TCF12: variants seen among roughly 807,000 people sequenced by gnomAD.
TCF12 encodes the protein DNA-binding protein HTF4.
TCF12 carries 45 observed loss-of-function variants against 86.0 expected under a neutral mutation model. The ratio of observed to expected loss-of-function variants is 0.52; its 90% confidence interval spans 0.41 to 0.67. The LOEUF is 0.67. TCF12 is among the 30% of genes least tolerant of loss of function. The pLI is 0.00. For synonymous variants in TCF12, 330 were observed against 299.6 expected (o/e 1.10, Z -1.05); for missense variants, 881 against 859.9 (o/e 1.02, Z -0.31).
At chr15:57,148,864 A>T (rs1274589899) in intron 5 of TCF12, among the ~76,000 whole-genome samples, 3 of 152,192 alleles carry the variant, frequency 2.0e-5, no homozygotes, top group Non-Finnish European at 4.4e-5. Flanking sequence ...TAACAGAATG[A>T]GACCTCATCT....
intron 5 of TCF12, among the ~76,000 whole-genome samples, chr15:57,137,279 G>T (rs1451273797): frequency 6.6e-6 from 1 of 152,068 alleles, no homozygotes; most frequent in Non-Finnish European, 1.5e-5. Context: ...ACCACGCCCG[G>T]CCCTGGCAGT....
intron 3 of TCF12, among the ~76,000 whole-genome samples, chr15:56,976,224 C>CTTT (rs35959497): frequency 6.3e-4 from 36 of 57,372 alleles, no homozygotes; most frequent in Admixed American, 7.9e-4. Flanking sequence ...AAGGAAGTTT[C>CTTT]TTTTTTTTTT....
At chr15:57,175,925 C>T (rs2615249) in intron 6 of TCF12, among the ~76,000 whole-genome samples, 148,258 of 152,318 alleles carry the variant, frequency 0.97, 72,293 homozygotes, top group East Asian at 1. Flanking sequence ...TGGCGTAGAA[C>T]ATTAAACCTT....
chr15:57,181,006 G>A (rs538428017), intron 6 of TCF12, among the ~76,000 whole-genome samples: 2 of 151,506 alleles, frequency 1.3e-5, no homozygotes, highest in South Asian at 2.1e-4. Context: ...AGTGGAGACA[G>A]GGTTTCACTG....
intron 4 of TCF12, among the ~76,000 whole-genome samples, chr15:57,075,842 T>C (rs1444400812): frequency 1.4e-5 from 1 of 73,764 alleles, no homozygotes; most frequent in Non-Finnish European, 2.9e-5. Flanking sequence ...CTCTTTTCTT[T>C]CTTTCTTTCT....
chr15:57,042,602 C>G (rs531246490), intron 3 of TCF12, among the ~76,000 whole-genome samples: 492 of 152,032 alleles, frequency 3.2e-3, no homozygotes, highest in Non-Finnish European at 6.0e-3. Flanking sequence ...TTTGTGGAGA[C>G]GGGATCGCAC....
intron 8 of TCF12, among the ~76,000 whole-genome samples, chr15:57,208,775 A>G (rs1178626735): frequency 1.3e-5 from 2 of 151,506 alleles, no homozygotes; most frequent in African/African-American, 4.9e-5. Context: ...TGGTGCCATC[A>G]TAGCTCGCTG....
chr15:56,951,138 C>T (rs764298718), intron 3 of TCF12, among the ~76,000 whole-genome samples: 2 of 152,030 alleles, frequency 1.3e-5, no homozygotes, highest in East Asian at 1.9e-4. Flanking sequence ...ACTGCCAAAG[C>T]GGTTGTATCA....
At chr15:57,021,573 T>TTA (rs1375707922) in intron 3 of TCF12, among the ~76,000 whole-genome samples, 47 of 152,192 alleles carry the variant, frequency 3.1e-4, no homozygotes, top group African/African-American at 1.0e-3. Context: ...GAAAACAGGC[T>TTA]TATATAGGGC....
intron 5 of TCF12, among the ~76,000 whole-genome samples, chr15:57,138,577 A>T (rs776738385): frequency 7.2e-5 from 11 of 152,224 alleles, no homozygotes; most frequent in Non-Finnish European, 1.3e-4. Context: ...TTAGAGGGGT[A>T]ATTCATATAT....
intron 5 of TCF12, among the ~76,000 whole-genome samples, chr15:57,127,185 G>C (rs1466588892): frequency 2.0e-5 from 3 of 151,888 alleles, no homozygotes; most frequent in Non-Finnish European, 4.4e-5. Context: ...GTTTCACCAC[G>C]TTGGCCAGGC....
intron 3 of TCF12, among the ~76,000 whole-genome samples, chr15:57,046,648 G>A (rs1389437638): frequency 6.6e-6 from 1 of 151,984 alleles, no homozygotes; most frequent in Non-Finnish European, 1.5e-5. Context: ...GCAGAGATGG[G>A]TTTCACCATG....
chr15:57,244,889 G>A (rs2059790318), intron 13 of TCF12, among the ~76,000 whole-genome samples: 1 of 151,730 alleles, frequency 6.6e-6, no homozygotes, highest in Non-Finnish European at 1.5e-5. Context: ...TATTTCTTAG[G>A]AATAAATATA....
intron 8 of TCF12, among the ~76,000 whole-genome samples, chr15:57,200,737 C>G (rs1339083899): frequency 1.3e-5 from 2 of 152,128 alleles, no homozygotes; most frequent in African/African-American, 4.8e-5. Context: ...TTTTTGTAAA[C>G]TGTTTTATAT....
At chr15:57,192,941 A>T (rs1219750975) in intron 7 of TCF12, among the ~76,000 whole-genome samples, 1 of 152,224 alleles carries the variant, frequency 6.6e-6, no homozygotes, top group East Asian at 1.9e-4. Context: ...TGGTCCTCAC[A>T]TGAGCAACTA....
chr15:56,951,694 G>A (rs1182315429), intron 3 of TCF12, among the ~76,000 whole-genome samples: 2 of 152,152 alleles, frequency 1.3e-5, no homozygotes, highest in African/African-American at 4.8e-5. Context: ...CTGTTGCTCA[G>A]GCTGGAGTGC....
At chr15:57,178,100 A>G (rs745652) in intron 6 of TCF12, among the ~76,000 whole-genome samples, 58,564 of 152,090 alleles carry the variant, frequency 0.39, 14,086 homozygotes, top group Non-Finnish European at 0.53. Context: ...ATCTCAAAAC[A>G]GAAAAAAGAG....
chr15:57,032,577 T>C (rs932814819), intron 3 of TCF12, among the ~76,000 whole-genome samples: 1 of 152,100 alleles, frequency 6.6e-6, no homozygotes, highest in Non-Finnish European at 1.5e-5. Context: ...TACAGGCATA[T>C]GGGACTACAG....
Position 57,050,663 on chromosome 15 carries a change from CCATTTAAT to C in TCF12, c.149-13086_149-13079del, listed in dbSNP as rs373377883. ...GGTACTCTCATTACATGCATTTAGA[CCATTTAAT>C]GCTATCTAACAGGTAGCTGAAACTA... On this transcript the variant is annotated intron_variant, in intron 3 of 20. Coordinates refer to ENST00000333725, the MANE Select transcript of TCF12 (RefSeq NM_207037.2). Among the ~76,000 whole-genome samples the C allele has an allele frequency of 7.2e-5, 11 of 152,146 alleles. No individual in the cohort carries two copies. The East Asian group carries it at 2.1e-3, about 29-fold the overall frequency.
Sources: gnomAD v4.1 joint callset for allele counts (sites outside exome capture counted in the v4.1 genomes callset) on GRCh38, gnomAD v4.1.1 for gene constraint, MANE v1.5 for transcripts, NCBI Gene and HGNC (gene_info 2026-07-23, HGNC 2026-07-21) for gene names.